ASXL2: variants seen among roughly 807,000 people sequenced by gnomAD.
The protein encoded by ASXL2 is putative Polycomb group protein ASXL2.
ASXL2 carries 23 observed loss-of-function variants against 122.0 expected under a neutral mutation model. The observed-to-expected ratio is 0.19, with a 90% CI of 0.14 to 0.27. The LOEUF is 0.27. Among genes scored for constraint, ASXL2 ranks in the 10% least tolerant of loss-of-function variants. The pLI is 1.00. For missense variants in ASXL2, 1,518 were observed against 1,713.8 expected, an observed-to-expected ratio of 0.89 and a Z score of 2.02; for synonymous variants, 650 against 637.0, an observed-to-expected ratio of 1.02 and a Z score of -0.31.
chr2:25,806,416 T>C, intron 3 of ASXL2, 79 bp from the exon 4 acceptor site: 1 of 907,456 alleles, frequency 1.1e-6, no homozygotes, highest in South Asian at 1.6e-5. Context: ...ACACTCAAAA[T>C]AAAATTAATT....
At chr2:25,791,448 T>C (rs971596181) in intron 5 of ASXL2, among the ~76,000 whole-genome samples, 6 of 150,790 alleles carry the variant, frequency 4.0e-5, no homozygotes, top group African/African-American at 1.2e-4. Context: ...GATCATGCCA[T>C]TGCACTCCAG....
At chr2:25,794,858 T>C (rs1002486296) in intron 5 of ASXL2, among the ~76,000 whole-genome samples, 1 of 152,220 alleles carries the variant, frequency 6.6e-6, no homozygotes, top group Non-Finnish European at 1.5e-5. Context: ...TTGCTTTACC[T>C]TTATTGATAA....
chr2:25,802,507 C>T lies in ASXL2; in HGVS notation c.253-2972G>A, dbSNP rs1489725480. On this transcript the variant is annotated intron_variant, in intron 4 of 12. Transcript: ENST00000435504. ...CTTTTGCTATTATTTGGTCCTTGAT[C>T]CCAGCTTCCAACACAGAGCTCCTAA... Among the ~76,000 whole-genome samples the T allele has an allele frequency of 4.6e-5, 7 of 152,248 alleles. No homozygotes were observed. In the South Asian group the frequency reaches 6.2e-4, roughly 14 times the overall value.
Position 25,744,126 on chromosome 2 carries a change from C to T in ASXL2, c.2211G>A (p.Arg737=), listed in dbSNP as rs2087899193. The T allele has an allele frequency of 6.2e-7, 1 of 1,613,950 alleles. No homozygotes were observed. Among genetic ancestry groups the T allele is most frequent in the Non-Finnish European group, 8.5e-7 (1 of 1,179,878 alleles). ...AGGGTAAAAGCTCTCTCGTACCTCCCCTGCTTCCAGTTCCTGCCAGTTCCA... is the reference window on the plus strand; with the variant it reads ...AGGGTAAAAGCTCTCTCGTACCTCCTCTGCTTCCAGTTCCTGCCAGTTCCA... ...PTLELAGTGS[R]GGTRELLPCG... Residue 737 remains arginine (R), a synonymous_variant, in exon 13 of 13, where the codon AGG becomes AGA. Transcript: ENST00000435504. The surrounding 1 kb of genome is among the most constrained non-coding windows in gnomAD (Gnocchi z 4.7).
At chr2:25,872,877 G>A (rs754946215) in intron 1 of ASXL2, among the ~76,000 whole-genome samples, 1 of 152,070 alleles carries the variant, frequency 6.6e-6, no homozygotes, top group Non-Finnish European at 1.5e-5. Context: ...CGGTTTCTCA[G>A]GAGAATTTTT....
chr2:25,849,061 TTACATA>T (rs1553705432), intron 1 of ASXL2, among the ~76,000 whole-genome samples: 1 of 6,750 alleles, frequency 1.5e-4, no homozygotes, highest in South Asian at 3.2e-3. Flanking sequence ...AAAAAAAAAT[TTACATA>T]TATATATATG....
At chr2:25,783,103 TG>T (rs1220754135) in intron 5 of ASXL2, among the ~76,000 whole-genome samples, 6 of 152,138 alleles carry the variant, frequency 3.9e-5, no homozygotes, top group Non-Finnish European at 8.8e-5. Flanking sequence ...CACTCCAGCC[TG>T]GGGGACAGAA....
At chr2:25,851,650 T>A (rs1025805639) in intron 1 of ASXL2, among the ~76,000 whole-genome samples, 3 of 152,226 alleles carry the variant, frequency 2.0e-5, no homozygotes, top group African/African-American at 7.2e-5. Context: ...TTAACTCTTA[T>A]AATTCACATA....
chr2:25,842,703 T>TATATAGATAG (rs1553704758), intron 2 of ASXL2, among the ~76,000 whole-genome samples: 2 of 150,174 alleles, frequency 1.3e-5, no homozygotes, highest in African/African-American at 4.9e-5. Flanking sequence ...TATATATATA[T>TATATAGATAG]ATAGATAGAT....
At chr2:25,800,772 G>T (rs1161297884) in intron 4 of ASXL2, among the ~76,000 whole-genome samples, 1 of 152,148 alleles carries the variant, frequency 6.6e-6, no homozygotes, top group Non-Finnish European at 1.5e-5. Flanking sequence ...TACCTTAAAA[G>T]ATCATTCTTC....
At chr2:25,813,975 A>C (rs2089203905) in intron 3 of ASXL2, among the ~76,000 whole-genome samples, 1 of 152,130 alleles carries the variant, frequency 6.6e-6, no homozygotes, top group South Asian at 2.1e-4. Context: ...GCGTGAACCC[A>C]GGAGGCGGAG....
At chr2:25,834,934 T>C (rs764712153) in intron 3 of ASXL2, among the ~76,000 whole-genome samples, 2 of 152,140 alleles carry the variant, frequency 1.3e-5, no homozygotes, top group Non-Finnish European at 2.9e-5. Context: ...GCAATTCTCC[T>C]GTCTCAGCCT....
intron 5 of ASXL2, among the ~76,000 whole-genome samples, chr2:25,782,066 G>A (rs887812087): frequency 1.4e-5 from 2 of 145,264 alleles, no homozygotes; most frequent in African/African-American, 5.1e-5. Context: ...CTACCCTCCC[G>A]AAGTGCTGGG....
chr2:25,811,362 T>C (rs958572177), intron 3 of ASXL2, among the ~76,000 whole-genome samples: 7 of 151,046 alleles, frequency 4.6e-5, no homozygotes, highest in African/African-American at 1.5e-4. Context: ...AAGAAACATA[T>C]TGACTGTATA....
At chr2:25,800,501 C>T (rs772082215) in intron 4 of ASXL2, among the ~76,000 whole-genome samples, 3 of 151,994 alleles carry the variant, frequency 2.0e-5, no homozygotes, top group Non-Finnish European at 4.4e-5. Context: ...AATGAAGGTT[C>T]TTCCTGACAG....
Position 25,820,590 on chromosome 2 carries a change from C to T in ASXL2, c.144-14253G>A, listed in dbSNP as rs2089296369. On this transcript the variant is annotated intron_variant, in intron 3 of 12. Transcript: ENST00000435504. ...ACAGAGACAGAAAGTAGATTACAGG[C>T]TGTTAGGAGGAGCCAGCATTACCCG... Among the ~76,000 whole-genome samples, 5 of 152,156 alleles carry T rather than the reference C, an allele frequency of 3.3e-5. No homozygotes were observed. In the South Asian group the frequency reaches 1.0e-3, roughly 32 times the overall value.
At chr2:25,820,107 G>A (rs1050201341) in intron 3 of ASXL2, among the ~76,000 whole-genome samples, 4 of 151,998 alleles carry the variant, frequency 2.6e-5, no homozygotes, top group African/African-American at 7.3e-5. Context: ...GTATAGAGAC[G>A]GGCTCGCTTT....
chr2:25,825,985 C>T (rs559455051), intron 3 of ASXL2, among the ~76,000 whole-genome samples: 1 of 152,108 alleles, frequency 6.6e-6, no homozygotes, highest in Admixed American at 6.6e-5. Flanking sequence ...ACTTGTACCC[C>T]GTCTAAGGTA....
intron 3 of ASXL2, among the ~76,000 whole-genome samples, chr2:25,808,923 C>G (rs1416985532): frequency 2.0e-5 from 3 of 152,014 alleles, no homozygotes; most frequent in African/African-American, 7.3e-5. Context: ...AACTGCCAGC[C>G]CACACACTGT....
Sources: allele counts gnomAD v4.1 joint callset (sites outside exome capture counted in the v4.1 genomes callset), GRCh38; gene constraint gnomAD v4.1.1; non-coding constraint Gnocchi (gnomAD v3.1); transcripts MANE v1.5; gene names NCBI Gene and HGNC (gene_info 2026-07-23, HGNC 2026-07-21).